NWD1: variants seen among roughly 807,000 people sequenced by gnomAD.
NWD1 encodes NACHT domain- and WD repeat-containing protein 1.
A neutral mutation model predicts 135.1 loss-of-function variants in NWD1; 129 were observed. The ratio of observed to expected loss-of-function variants is 0.96; its 90% CI spans 0.83 to 1.11. NWD1 has a LOEUF of 1.11. NWD1 is among the 50% of genes least tolerant of loss of function. NWD1 has a pLI of 0.00. For missense variants in NWD1, 1,740 were observed against 1,851.3 expected (o/e 0.94, Z 1.10); for synonymous variants, 773 against 786.0 (o/e 0.98, Z 0.28).
At chr19:16,803,433 A>T (rs1312837568) in intron 17 of NWD1, among the ~76,000 whole-genome samples, 1 of 152,092 alleles carries the variant, frequency 6.6e-6, no homozygotes, top group South Asian at 2.1e-4. Flanking sequence ...AGTCCATAAC[A>T]TTCCTATAAC....
At chr19:16,785,537 A>C (rs1318909875) in intron 12 of NWD1, among the ~76,000 whole-genome samples, 6 of 151,194 alleles carry the variant, frequency 4.0e-5, no homozygotes, top group South Asian at 4.2e-4. Flanking sequence ...ATAAAATAAA[A>C]TAAACAAACA....
intron 17 of NWD1, among the ~76,000 whole-genome samples, chr19:16,806,252 A>G (rs888079913): frequency 6.6e-6 from 1 of 152,050 alleles, no homozygotes; most frequent in Non-Finnish European, 1.5e-5. Context: ...GAAATCCCTC[A>G]CTGTCCAATT....
intron 18 of NWD1, among the ~76,000 whole-genome samples, chr19:16,813,128 G>A (rs545660707): frequency 6.6e-6 from 1 of 152,280 alleles, no homozygotes; most frequent in Admixed American, 6.5e-5. Context: ...CTCCTGGTGT[G>A]TGCACTTCTG....
chr19:16,733,054 T>G (rs962932135), intron 3 of NWD1, among the ~76,000 whole-genome samples: 6 of 151,736 alleles, frequency 4.0e-5, no homozygotes, highest in Non-Finnish European at 8.8e-5. Context: ...AGATCCCGTC[T>G]CTATAAAATT....
chr19:16,781,683 G>A (rs903472469), intron 12 of NWD1, among the ~76,000 whole-genome samples: 2 of 151,856 alleles, frequency 1.3e-5, no homozygotes, highest in Non-Finnish European at 2.9e-5. Flanking sequence ...GAGGGCAAGG[G>A]TTATGTTTTA....
At chr19:16,799,257 G>A (rs372596047) in intron 16 of NWD1, among the ~76,000 whole-genome samples, 25 of 151,804 alleles carry the variant, frequency 1.6e-4, no homozygotes, top group East Asian at 5.8e-4. Context: ...GTGCAGTGGC[G>A]CAATCTCAGC....
At position 16,749,759 on chromosome 19, in the gene NWD1, C is replaced by T; in HGVS notation, c.1117C>T (p.Leu373=). Residue 373 remains leucine (L), a synonymous_variant, in exon 6 of 19, where the codon CTG becomes TTG. Transcript: ENST00000524140. ...GHKTVTVLRL[L]GTSQMSSDAR... ...CAAGACAGTGACCGTCCTGCGGCTGCTGGGGACGTCACAAATGAGCTCAGA... is the reference window on the plus strand; with the variant it reads ...CAAGACAGTGACCGTCCTGCGGCTGTTGGGGACGTCACAAATGAGCTCAGA... 1 of 1,607,068 alleles carries T rather than the reference C, an allele frequency of 6.2e-7. No homozygotes were observed.
intron 6 of NWD1, among the ~76,000 whole-genome samples, chr19:16,756,618 A>G (rs971724332): frequency 6.6e-6 from 1 of 152,078 alleles, no homozygotes; most frequent in African/African-American, 2.4e-5. Context: ...TATAATCTAT[A>G]TGCCTATCTA....
At chr19:16,770,450 C>A (rs1306314559) in intron 10 of NWD1, among the ~76,000 whole-genome samples, 2 of 152,140 alleles carry the variant, frequency 1.3e-5, no homozygotes, top group African/African-American at 4.8e-5. Context: ...GTCAATTAAA[C>A]CTCTTTCCTT....
rs565962648 is a variant in NWD1, at chr19:16,795,520, G to A, written c.3304+967G>A. ...CAACCTCCACCTCCCGGGTTCAAGC[G>A]ATTCTCCTGCCTCAGTCTCCCAAGT... is the stretch of plus-strand genomic sequence containing the variant. On this transcript the variant is annotated intron_variant, in intron 15 of 18. Coordinates refer to ENST00000524140, the MANE Select transcript of NWD1 (RefSeq NM_001007525.5). 6.0e-5 allele frequency among the ~76,000 whole-genome samples: 9 copies of A among 151,184 alleles called. No homozygotes were observed. In the South Asian group the frequency reaches 1.0e-3, roughly 18 times the overall value.
At chr19:16,787,904 A>ATCATC (rs1970098571) in intron 12 of NWD1, among the ~76,000 whole-genome samples, 15 of 121,054 alleles carry the variant, frequency 1.2e-4, no homozygotes, top group African/African-American at 3.2e-4. Flanking sequence ...TAATAATAAT[A>ATCATC]ATCATCATCA....
Position 16,765,124 on chromosome 19 carries a change from C to A in NWD1, c.2342C>A (p.Ser781Tyr), listed in dbSNP as rs1208907266. The A allele has an allele frequency of 1.2e-6, 2 of 1,614,032 alleles. No homozygotes were observed. Among genetic ancestry groups the A allele is most frequent in the African/African-American group, 1.3e-5 (1 of 74,922 alleles). Residue 781 changes from serine (S) to tyrosine (Y), a missense_variant, in exon 10 of 19, where the codon TCC becomes TAC. Coordinates refer to ENST00000524140, the MANE Select transcript of NWD1 (RefSeq NM_001007525.5). ...DFDLCAPHLD[S>Y]PEVGLVREAL... ...GACCTGTGTGCCCCTCACCTGGACTCCCCTGAGGTTGGCCTGGTCCGTGAA... is the reference window on the plus strand; with the variant it reads ...GACCTGTGTGCCCCTCACCTGGACTACCCTGAGGTTGGCCTGGTCCGTGAA...
intron 16 of NWD1, among the ~76,000 whole-genome samples, chr19:16,798,709 C>G (rs997169834): frequency 6.6e-6 from 1 of 152,178 alleles, no homozygotes; most frequent in African/African-American, 2.4e-5. Context: ...TCACTGCAAC[C>G]TCGACCTCCT....
At chr19:16,800,696 T>C (rs1970578463) in intron 17 of NWD1, among the ~76,000 whole-genome samples, 1 of 152,122 alleles carries the variant, frequency 6.6e-6, no homozygotes, top group African/African-American at 2.4e-5. Flanking sequence ...CTTCTTGATG[T>C]GTCCCCAGAG....
chr19:16,749,877 G>C lies in NWD1; in HGVS notation c.1235G>C (p.Arg412Thr). ...GCCCAGGTTCTGGACGCCCACACCA[G>C]GGTGGTCCAGTTTTTCCATACCCTC... ...PPAQVLDAHT[R>T]VVQFFHTLLH... Residue 412 changes from arginine to threonine, a missense_variant, in exon 6 of 19, where the codon AGG becomes ACG. Coordinates refer to ENST00000524140, the MANE Select transcript of NWD1 (RefSeq NM_001007525.5). 6.2e-7 allele frequency: 1 copy of C among 1,613,396 alleles called. No homozygotes were observed. Among genetic ancestry groups the C allele is most frequent in the Non-Finnish European group, 8.5e-7 (1 of 1,179,920 alleles).
intron 12 of NWD1, 85 bp from the exon 13 acceptor site, chr19:16,788,897 A>T: frequency 1.1e-6 from 1 of 887,190 alleles, no homozygotes; most frequent in Non-Finnish European, 1.9e-6. Flanking sequence ...AAATGAGGGT[A>T]TTTCCAAGCT....
chr19:16,810,269 C>T lies in NWD1; in HGVS notation c.4287+2133C>T, dbSNP rs550385733. Among the ~76,000 whole-genome samples, 26 of 151,528 alleles carry T rather than the reference C, an allele frequency of 1.7e-4. No individual in the cohort carries two copies. In the East Asian group the frequency reaches 2.7e-3, roughly 16 times the overall value. On this transcript the variant is annotated intron_variant, in intron 18 of 18. Transcript: ENST00000524140. ...CCTAGCCAACATGGTGAAACCCTGT[C>T]TCTACTAAAAATACAAAAATTAGCC...
chr19:16,797,304 C>T (rs1239995120), intron 15 of NWD1, among the ~76,000 whole-genome samples: 1 of 151,542 alleles, frequency 6.6e-6, no homozygotes, highest in Non-Finnish European at 1.5e-5. Flanking sequence ...TCTCCTGGCA[C>T]CTAGCAGGGG....
chr19:16,765,318 AT>A, intron 10 of NWD1, 126 bp downstream of exon 10: 1 of 977,950 alleles, frequency 1.0e-6, no homozygotes, highest in Non-Finnish European at 1.5e-6. Context: ...AAACATGTGA[AT>A]TTTCCCCCAG....
Sources: gnomAD v4.1 joint callset for allele counts (sites outside exome capture counted in the v4.1 genomes callset) on GRCh38, gnomAD v4.1.1 for gene constraint, MANE v1.5 for transcripts, NCBI Gene and HGNC (gene_info 2026-07-23, HGNC 2026-07-21) for gene names.